PELI2: variants seen among roughly 807,000 people sequenced by gnomAD.
The protein encoded by PELI2 is pellino E3 ubiquitin protein ligase family member 2.
In PELI2, 23 loss-of-function variants were observed where a neutral mutation model predicts 42.3. That is an observed-to-expected ratio of 0.54 (90% CI 0.39 to 0.77). The LOEUF is 0.77. PELI2 is among the 30% of genes least tolerant of loss of function. PELI2 has a pLI of 0.00. For missense variants in PELI2, 463 were observed against 553.2 expected (o/e 0.84, Z 1.64); for synonymous variants, 245 against 212.2 (o/e 1.15, Z -1.34).
rs1193569223 is a variant in PELI2, at chr14:56,297,651, C to T, written c.*485C>T. The T allele has an allele frequency of 6.3e-6, 1 of 157,886 alleles. No individual in the cohort carries two copies. Among genetic ancestry groups the T allele is most frequent in the East Asian group, 1.8e-4 (1 of 5,416 alleles). The allele number at this position is 157,886 out of a possible 1,614,324, so 9.8% of individuals were successfully genotyped here. On this transcript the variant is annotated 3_prime_UTR_variant, in exon 6 of 6. Transcript: ENST00000267460. ...ACCTGACCAGACAGCAGAGGGGCGG[C>T]TCTGTACAGTGTGACTGGTGGACAG... is the stretch of plus-strand genomic sequence containing the variant.
At chr14:56,227,886 CA>C (rs1887417725) in intron 2 of PELI2, among the ~76,000 whole-genome samples, 1 of 152,140 alleles carries the variant, frequency 6.6e-6, no homozygotes, top group Admixed American at 6.5e-5. Context: ...GGAGTTCCAC[CA>C]GCAAATCTGG....
In PELI2 at chr14:56,252,282, A is replaced by G. The variant is rs184614960; in HGVS notation, c.208-27394A>G. 1.5e-3 allele frequency among the ~76,000 whole-genome samples: 221 copies of G among 152,348 alleles called. 3 individuals are homozygous for G. Among genetic ancestry groups the G allele is most frequent in the African/African-American group, 5.0e-3 (208 of 41,578 alleles). The stretch of plus-strand genomic sequence containing the variant: ...TGGTAGCACACTCCTGTTTTAGAGT[A>G]ATATTTCCCAAAGCAGAGGTGTTCC... On this transcript the variant is annotated intron_variant, in intron 2 of 5. Coordinates refer to ENST00000267460, the MANE Select transcript of PELI2 (RefSeq NM_021255.3).
chr14:56,232,741 G>T (rs1008889762), intron 2 of PELI2, among the ~76,000 whole-genome samples: 4 of 129,836 alleles, frequency 3.1e-5, no homozygotes, highest in Non-Finnish European at 5.3e-5. Flanking sequence ...TCAACATACT[G>T]TTGGAAGTTC....
intron 2 of PELI2, among the ~76,000 whole-genome samples, chr14:56,276,749 TAAAAGACACAG>T (rs1445001895): frequency 6.6e-6 from 1 of 152,128 alleles, no homozygotes; most frequent in Non-Finnish European, 1.5e-5. Context: ...TTTTTTAATC[TAAAAGACACAG>T]AAAAGGCATT....
intron 2 of PELI2, among the ~76,000 whole-genome samples, chr14:56,192,861 A>G (rs541027853): frequency 1.5e-4 from 23 of 152,364 alleles, no homozygotes; most frequent in African/African-American, 4.3e-4. Flanking sequence ...ATTGGGTATT[A>G]TAGTACATCT....
rs557486514 is a variant in PELI2 at position 56,277,493 on chromosome 14, A to G, written c.208-2183A>G. 2.6e-5 allele frequency among the ~76,000 whole-genome samples: 4 copies of G among 152,176 alleles called. No homozygotes were observed. In the East Asian group the frequency reaches 7.7e-4, roughly 29 times the overall value. ...CTGATTCAACATTATGGTGAGTTGC[A>G]TAATTATTTAATTACATATTACAAT... On this transcript the variant is annotated intron_variant, in intron 2 of 5. Transcript: ENST00000267460.
intron 2 of PELI2, among the ~76,000 whole-genome samples, chr14:56,220,410 C>T (rs1887082808): frequency 6.6e-6 from 1 of 152,166 alleles, no homozygotes; most frequent in African/African-American, 2.4e-5. Context: ...TTATAAAACA[C>T]AGCATGTATC....
chr14:56,236,846 G>T (rs1887812679), intron 2 of PELI2, among the ~76,000 whole-genome samples: 1 of 152,136 alleles, frequency 6.6e-6, no homozygotes, highest in South Asian at 2.1e-4. Context: ...ATTCCTGGAG[G>T]TGCATGGATC....
rs997966021 is a variant in PELI2 at position 56,298,460 on chromosome 14, G to T, written c.*1294G>T. 6.6e-6 allele frequency: 1 copy of T among 152,586 alleles called. No individual in the cohort carries two copies. Among genetic ancestry groups the T allele is most frequent in the African/African-American group, 2.4e-5 (1 of 41,444 alleles). 9.5% of individuals were successfully genotyped at this position (152,586 alleles called of 1,614,324 possible). A position where few individuals can be genotyped will look rare whatever the true frequency, so the allele number is the denominator to read the frequency against. Reference sequence around the variant, plus strand: ...CGTATCACTGCTCCTAGAAGGTAAAGATCCTTTAGGACATGAGACTGGTAG... The same window carrying T: ...CGTATCACTGCTCCTAGAAGGTAAATATCCTTTAGGACATGAGACTGGTAG... On this transcript the variant is annotated 3_prime_UTR_variant, in exon 6 of 6. Transcript: ENST00000267460.
At chr14:56,265,915 A>G (rs930917625) in intron 2 of PELI2, among the ~76,000 whole-genome samples, 1 of 152,074 alleles carries the variant, frequency 6.6e-6, no homozygotes, top group Non-Finnish European at 1.5e-5. Context: ...ACTCATATGT[A>G]TGGCTACCAT....
rs1310554797 is a variant in PELI2, at chr14:56,297,861, CCTGT to C, written c.*698_*701del. 2 of 151,666 alleles carry C rather than the reference CCTGT, an allele frequency of 1.3e-5. No homozygotes were observed. Among genetic ancestry groups the C allele is most frequent in the Non-Finnish European group, 2.9e-5 (2 of 67,980 alleles). 9.4% of individuals were successfully genotyped at this position (151,666 alleles called of 1,614,324 possible). ...CAAACAATTTTCCATAACTTTTTAGCCTGTCTTTTGTTATTTCTGCCTAATATGA... is the reference window on the plus strand; with the variant it reads ...CAAACAATTTTCCATAACTTTTTAGCCTTTTGTTATTTCTGCCTAATATGA... On this transcript the variant is annotated 3_prime_UTR_variant, in exon 6 of 6. Coordinates refer to ENST00000267460, the MANE Select transcript of PELI2 (RefSeq NM_021255.3).
chr14:56,145,278 CT>C (rs949140184), intron 1 of PELI2, among the ~76,000 whole-genome samples: 67 of 152,124 alleles, frequency 4.4e-4, no homozygotes, highest in African/African-American at 1.4e-3. Context: ...TGAAACAGTG[CT>C]GGGGGATGGT....
At chr14:56,248,372 T>C (rs4901666) in intron 2 of PELI2, among the ~76,000 whole-genome samples, 59,702 of 147,072 alleles carry the variant, frequency 0.41, 12,578 homozygotes, top group South Asian at 0.53. Flanking sequence ...TCATTATTCC[T>C]TTTTTTTTTT....
At chr14:56,196,570 G>A (rs751264117) in intron 2 of PELI2, among the ~76,000 whole-genome samples, 1 of 152,200 alleles carries the variant, frequency 6.6e-6, no homozygotes, top group Non-Finnish European at 1.5e-5. Flanking sequence ...TGCCAAAGCT[G>A]TCTTGCCCTC....
At chr14:56,194,108 G>C (rs769758025) in intron 2 of PELI2, among the ~76,000 whole-genome samples, 1 of 152,062 alleles carries the variant, frequency 6.6e-6, no homozygotes, top group Non-Finnish European at 1.5e-5. Context: ...CTTGTACGTC[G>C]TAGGAAGCAC....
chr14:56,181,884 A>T (rs1885598761), intron 2 of PELI2, among the ~76,000 whole-genome samples: 1 of 151,734 alleles, frequency 6.6e-6, no homozygotes, highest in Admixed American at 6.6e-5. Context: ...TTTTAAATTA[A>T]AAGTCCTGTT....
chr14:56,214,263 T>A (rs963715142), intron 2 of PELI2, among the ~76,000 whole-genome samples: 6 of 151,792 alleles, frequency 4.0e-5, no homozygotes, highest in Admixed American at 1.3e-4. Flanking sequence ...AGAGGGAAGG[T>A]TGATGGGGGA....
chr14:56,256,789 A>C (rs892405149), intron 2 of PELI2, among the ~76,000 whole-genome samples: 5 of 152,144 alleles, frequency 3.3e-5, no homozygotes, highest in Non-Finnish European at 5.9e-5. Flanking sequence ...CCTCTCCTCT[A>C]CCCTGCATGC....
intron 2 of PELI2, among the ~76,000 whole-genome samples, chr14:56,183,104 G>T (rs1276061536): frequency 6.6e-6 from 1 of 151,958 alleles, no homozygotes; most frequent in Non-Finnish European, 1.5e-5. Context: ...GGTCGTGTGT[G>T]GTGTTTCATA....
Sources: allele counts gnomAD v4.1 joint callset (sites outside exome capture counted in the v4.1 genomes callset), GRCh38; gene constraint gnomAD v4.1.1; transcripts MANE v1.5; gene names NCBI Gene and HGNC (gene_info 2026-07-23, HGNC 2026-07-21).